The following SLC25A51 variants were observed in gnomAD, a reference collection of about 807,000 sequenced individuals.
SLC25A51 encodes mitochondrial nicotinamide adenine dinucleotide transporter SLC25A51.
In SLC25A51, 11 loss-of-function variants were observed where a neutral mutation model predicts 19.1. The observed-to-expected ratio is 0.58, with a 90% CI of 0.36 to 0.96. The LOEUF (loss-of-function observed/expected upper bound fraction) is 0.96. Ranked by LOEUF, SLC25A51 falls within the 40% of genes least tolerant of loss-of-function variation. SLC25A51 has a pLI of 0.01. For missense variants in SLC25A51, 201 were observed against 365.4 expected (o/e 0.55, Z 3.67); for synonymous variants, 105 against 133.6 (o/e 0.79, Z 1.47).
At chr9:37,886,278 T>C (rs897416874), downstream of SLC25A51, 14 of 1,613,618 alleles carry the variant, frequency 8.7e-6, no homozygotes, top group African/African-American at 1.2e-4. Flanking sequence ...TTAAATGAGC[T>C]ATACCAGCGG....
chr9:37,882,917 C>T (rs1831377206), downstream of SLC25A51, among the ~76,000 whole-genome samples: 1 of 152,164 alleles, frequency 6.6e-6, no homozygotes, highest in Admixed American at 6.5e-5. Flanking sequence ...AATCTCGGCT[C>T]ACTGCAACCT....
chr9:37,895,558 A>G (rs1323738670), intron 2 of SLC25A51, among the ~76,000 whole-genome samples: 1 of 152,092 alleles, frequency 6.6e-6, no homozygotes, highest in African/African-American at 2.4e-5. Context: ...CTTCTTTACT[A>G]TACATTTTCA....
chr9:37,890,033 G>A (rs759452629), intron 2 of SLC25A51, among the ~76,000 whole-genome samples: 2 of 151,968 alleles, frequency 1.3e-5, no homozygotes, highest in African/African-American at 2.4e-5. Flanking sequence ...ACACACATAT[G>A]TGTATGTGTG....
chr9:37,878,230 GC>G, downstream of SLC25A51: 1 of 173,292 alleles, frequency 5.8e-6, no homozygotes. Context: ...CCAGATTACA[GC>G]AGGAAATGCA....
chr9:37,889,284 T>A (rs1030467890), intron 2 of SLC25A51, among the ~76,000 whole-genome samples: 2 of 152,202 alleles, frequency 1.3e-5, no homozygotes, highest in African/African-American at 4.8e-5. Context: ...TTATACTTCT[T>A]TGGTACCTAC....
At chr9:37,885,718 T>C, downstream of SLC25A51, 1 of 1,420,550 alleles carries the variant, frequency 7.0e-7, no homozygotes, top group Non-Finnish European at 1.0e-6. Context: ...CTCAGTGCCA[T>C]TGTGATGATG....
intron 2 of SLC25A51, among the ~76,000 whole-genome samples, chr9:37,881,926 CA>C (rs57239574): frequency 6.6e-6 from 1 of 150,728 alleles, no homozygotes; most frequent in Non-Finnish European, 1.5e-5. Flanking sequence ...TCCAAATTAT[CA>C]AAAAAAAAGT....
downstream of SLC25A51, chr9:37,885,579 TG>T: frequency 1.5e-6 from 1 of 685,252 alleles, no homozygotes; most frequent in Non-Finnish European, 2.6e-6. Context: ...TTAGTAGAGA[TG>T]GGGTTTCACT....
At chr9:37,885,702 A>C, downstream of SLC25A51, 1 of 1,389,968 alleles carries the variant, frequency 7.2e-7, no homozygotes, top group Middle Eastern at 2.0e-4. Context: ...GGAGATCCTG[A>C]TGTTTCTCAG....
intron 1 of SLC25A51, among the ~76,000 whole-genome samples, chr9:37,901,674 G>C (rs1291677917): frequency 6.6e-6 from 1 of 151,896 alleles, no homozygotes; most frequent in Non-Finnish European, 1.5e-5. Context: ...TAAGATTAAA[G>C]GGAAAAAAAA....
chr9:37,885,136 A>G (rs1831419371), downstream of SLC25A51, among the ~76,000 whole-genome samples: 2 of 152,070 alleles, frequency 1.3e-5, no homozygotes. Flanking sequence ...AGAAGCAAGC[A>G]ATGGAGTAAC....
chr9:37,883,705 T>C (rs188584834), downstream of SLC25A51, among the ~76,000 whole-genome samples: 4 of 152,366 alleles, frequency 2.6e-5, no homozygotes, highest in East Asian at 7.7e-4. Context: ...AAGGTGCCTT[T>C]ATTTATTCAT....
At chr9:37,895,345 G>T (rs1437429712) in intron 2 of SLC25A51, among the ~76,000 whole-genome samples, 2 of 150,664 alleles carry the variant, frequency 1.3e-5, no homozygotes, top group Non-Finnish European at 2.9e-5. Flanking sequence ...GGAACTACAG[G>T]TATCCACCAC....
At chr9:37,901,703 G>C (rs967022578) in intron 1 of SLC25A51, among the ~76,000 whole-genome samples, 1 of 152,144 alleles carries the variant, frequency 6.6e-6, no homozygotes, top group African/African-American at 2.4e-5. Context: ...AATATCATCT[G>C]TTCCCTCTCT....
chr9:37,889,615 GTA>G (rs1831536032), intron 2 of SLC25A51, among the ~76,000 whole-genome samples: 1 of 151,646 alleles, frequency 6.6e-6, no homozygotes, highest in East Asian at 1.9e-4. Flanking sequence ...GGCACAGCTA[GTA>G]ACTGGTGGGG....
intron 2 of SLC25A51, among the ~76,000 whole-genome samples, chr9:37,898,983 T>C (rs1831783912): frequency 1.3e-5 from 2 of 152,038 alleles, no homozygotes; most frequent in Admixed American, 6.6e-5. Flanking sequence ...CTCTGGAACC[T>C]ACTAATTACC....
intron 2 of SLC25A51, among the ~76,000 whole-genome samples, chr9:37,881,842 A>C (rs1328295768): frequency 6.6e-6 from 1 of 152,212 alleles, no homozygotes; most frequent in Non-Finnish European, 1.5e-5. Context: ...ACAAAAAAGG[A>C]ACGTGCCAGT....
At chr9:37,885,315 A>C (rs1831423596), downstream of SLC25A51, among the ~76,000 whole-genome samples, 1 of 147,834 alleles carries the variant, frequency 6.8e-6, no homozygotes, top group South Asian at 2.1e-4. Context: ...TTTACCAGGC[A>C]ATTAGCCTAA....
downstream of SLC25A51, chr9:37,887,573 T>TAAAAA: frequency 3.1e-6 from 4 of 1,294,946 alleles, no homozygotes; most frequent in South Asian, 1.6e-5. Flanking sequence ...GGATTTCCTT[T>TAAAAA]AAAAAAAAAA....
Sources: gnomAD v4.1 joint callset for allele counts (sites outside exome capture counted in the v4.1 genomes callset) on GRCh38, gnomAD v4.1.1 for gene constraint, MANE v1.5 for transcripts, NCBI Gene and HGNC (gene_info 2026-07-23, HGNC 2026-07-21) for gene names.